Variants in CEPT1 observed in about 807,000 individuals in gnomAD.
CEPT1 encodes the protein choline/ethanolaminephosphotransferase 1.
Under a neutral mutation model 42.6 loss-of-function variants are expected in CEPT1, and 7 were observed. The observed-to-expected ratio is 0.16, with a 90% CI of 0.09 to 0.31. CEPT1 has a LOEUF of 0.31. Ranked by LOEUF, CEPT1 falls within the 10% of genes least tolerant of loss-of-function variation. The pLI is 1.00. For missense variants in CEPT1, 306 were observed against 502.1 expected (o/e 0.61, Z 3.73); for synonymous variants, 171 against 171.9 (o/e 0.99, Z 0.04).
chr1:111,163,291 C>A (rs1389460361), intron 4 of CEPT1, among the ~76,000 whole-genome samples: 1 of 152,088 alleles, frequency 6.6e-6, no homozygotes, highest in Non-Finnish European at 1.5e-5. Context: ...ATTAAAGCAG[C>A]ACCAAATTTG....
intron 2 of CEPT1, among the ~76,000 whole-genome samples, chr1:111,155,312 A>G (rs1469104143): frequency 6.6e-6 from 1 of 151,990 alleles, no homozygotes; most frequent in Non-Finnish European, 1.5e-5. Context: ...TTTCTGTGGT[A>G]TCAGTTGTAA....
In CEPT1 at chr1:111,183,438, T is replaced by C. The variant is rs1451225829; in HGVS notation, c.1006-24T>C. 3.7e-6 allele frequency: 6 copies of C among 1,610,590 alleles called. No individual in the cohort carries two copies. In the Admixed American group the frequency reaches 1.0e-4, roughly 27 times the overall value. On this transcript the variant is annotated intron_variant, in intron 7 of 8. Coordinates refer to ENST00000357172, the MANE Select transcript of CEPT1 (RefSeq NM_006090.5). ...ACAATTGTCCTCTTATGAAAATGCCTACGTTATTCTGTTTTATTCATAGGT... is the reference window on the plus strand; with the variant it reads ...ACAATTGTCCTCTTATGAAAATGCCCACGTTATTCTGTTTTATTCATAGGT...
intron 1 of CEPT1, chr1:111,143,672 CA>C (rs2101216720): frequency 6.6e-6 from 1 of 151,960 alleles, no homozygotes; most frequent in Non-Finnish European, 1.5e-5. Flanking sequence ...ATTTTCTGCT[CA>C]TCCTTTTGGT....
chr1:111,148,139 A>G, intron 2 of CEPT1, 86 bp downstream of exon 2: 1 of 971,054 alleles, frequency 1.0e-6, no homozygotes, highest in East Asian at 2.4e-5. Context: ...ACTAAAGATA[A>G]AGTAATCTGA....
At chr1:111,156,587 A>G (rs1361468652) in intron 2 of CEPT1, among the ~76,000 whole-genome samples, 2 of 152,174 alleles carry the variant, frequency 1.3e-5, no homozygotes, top group Non-Finnish European at 2.9e-5. Context: ...AAAATCTTAT[A>G]ATGTTTTAAG....
At chr1:111,142,854 G>A (rs978862500) in intron 1 of CEPT1, among the ~76,000 whole-genome samples, 1 of 152,146 alleles carries the variant, frequency 6.6e-6, no homozygotes, top group Non-Finnish European at 1.5e-5. Context: ...AGGGAGCAGA[G>A]CACTAGAGCC....
chr1:111,180,576 A>G (rs1303260335), intron 5 of CEPT1: 4 of 152,230 alleles, frequency 2.6e-5, no homozygotes, highest in African/African-American at 9.6e-5. Context: ...TTAATTTTAG[A>G]ACTAGGTTGA....
intron 1 of CEPT1, among the ~76,000 whole-genome samples, chr1:111,143,246 A>G (rs1031703035): frequency 6.6e-6 from 1 of 152,172 alleles, no homozygotes; most frequent in African/African-American, 2.4e-5. Flanking sequence ...ACTCTTTACT[A>G]TCTCAGGGCG....
chr1:111,182,032 C>A, intron 5 of CEPT1, 155 bp from the exon 6 acceptor site: 1 of 493,244 alleles, frequency 2.0e-6, no homozygotes, highest in Non-Finnish European at 3.5e-6. Flanking sequence ...TGCTATATTG[C>A]TTATAATGAA....
At chr1:111,151,224 A>G (rs983043115) in intron 2 of CEPT1, among the ~76,000 whole-genome samples, 1 of 150,960 alleles carries the variant, frequency 6.6e-6, no homozygotes, top group Non-Finnish European at 1.5e-5. Flanking sequence ...TCCCTGGTTC[A>G]AGCGATTTCT....
At chr1:111,157,160 C>T (rs1655616173) in intron 2 of CEPT1, among the ~76,000 whole-genome samples, 1 of 152,132 alleles carries the variant, frequency 6.6e-6, no homozygotes, top group East Asian at 1.9e-4. Flanking sequence ...TGTGCAGATT[C>T]ACAGGAAGAA....
chr1:111,175,827 G>A (rs762391597), intron 5 of CEPT1, among the ~76,000 whole-genome samples: 9 of 152,104 alleles, frequency 5.9e-5, no homozygotes, highest in Admixed American at 2.0e-4. Context: ...CTGGTCATCA[G>A]TTAATTGCCG....
At chr1:111,148,926 A>G (rs562303091) in intron 2 of CEPT1, among the ~76,000 whole-genome samples, 63 of 152,302 alleles carry the variant, frequency 4.1e-4, no homozygotes, top group African/African-American at 1.4e-3. Context: ...AACATTTCAG[A>G]GTGATTCTGA....
At chr1:111,163,005 T>C (rs1655948132) in intron 4 of CEPT1, among the ~76,000 whole-genome samples, 1 of 151,858 alleles carries the variant, frequency 6.6e-6, no homozygotes, top group Non-Finnish European at 1.5e-5. Context: ...AGAGAAGAGA[T>C]TGAAGATACT....
At chr1:111,165,174 G>A (rs1009528829) in intron 4 of CEPT1, among the ~76,000 whole-genome samples, 1 of 145,434 alleles carries the variant, frequency 6.9e-6, no homozygotes, top group Non-Finnish European at 1.5e-5. Context: ...CTCAGCCTCT[G>A]AGTAGCTGGG....
chr1:111,140,825 C>A (rs1654471384), intron 1 of CEPT1, among the ~76,000 whole-genome samples: 2 of 152,226 alleles, frequency 1.3e-5, no homozygotes, highest in Admixed American at 1.3e-4. Flanking sequence ...AGCAACTTTT[C>A]TGGAAATTTC....
At chr1:111,158,061 G>C (rs1655662577) in intron 2 of CEPT1, among the ~76,000 whole-genome samples, 1 of 152,158 alleles carries the variant, frequency 6.6e-6, no homozygotes, top group South Asian at 2.1e-4. Context: ...TCAATACCAG[G>C]CTGGGTGCGT....
intron 2 of CEPT1, among the ~76,000 whole-genome samples, chr1:111,152,336 A>G (rs553359531): frequency 1.3e-5 from 2 of 152,306 alleles, no homozygotes; most frequent in African/African-American, 4.8e-5. Context: ...GAAGGGGGAA[A>G]AAAATTACAG....
At chr1:111,159,870 T>C (rs1200476881) in intron 3 of CEPT1, 1 of 175,008 alleles carries the variant, frequency 5.7e-6, no homozygotes, top group Non-Finnish European at 1.2e-5. Flanking sequence ...TATATTTAAA[T>C]GAATGTTATG....
Sources: allele counts gnomAD v4.1 joint callset (sites outside exome capture counted in the v4.1 genomes callset), GRCh38; gene constraint gnomAD v4.1.1; transcripts MANE v1.5; gene names NCBI Gene and HGNC (gene_info 2026-07-23, HGNC 2026-07-21).